NR2F1-AS1: variants seen among roughly 807,000 people sequenced by gnomAD.
The protein encoded by NR2F1-AS1 is NR2F1 antisense RNA 1.
intron 1 of NR2F1-AS1, among the ~76,000 whole-genome samples, chr5:93,578,235 G>C (rs1313732298): frequency 6.6e-6 from 1 of 152,168 alleles, no homozygotes; most frequent in Non-Finnish European, 1.5e-5. Context: ...TCTCTCACCA[G>C]ATCACAATTT....
chr5:93,579,455 G>A lies in NR2F1-AS1; in HGVS notation n.313+1012C>T, dbSNP rs1231195802. 6.6e-6 allele frequency among the ~76,000 whole-genome samples: 1 copy of A among 152,156 alleles called. No homozygotes were observed. Among genetic ancestry groups the A allele is most frequent in the Non-Finnish European group, 1.5e-5 (1 of 68,014 alleles). ...AGTTTGAAAGCTCTGTGGGGGCACG[G>A]AGAGCCCACAGTAAGGATGGGTGGG... On this transcript the variant is annotated intron_variant and non_coding_transcript_variant, in intron 1 of 5. Coordinates refer to ENST00000660523, the Ensembl canonical transcript of NR2F1-AS1. The surrounding 1 kb of genome is among the most constrained non-coding windows in gnomAD (Gnocchi z 5.1).
chr5:93,527,003 C>G (rs1464497285), intron 4 of NR2F1-AS1, among the ~76,000 whole-genome samples: 1 of 152,124 alleles, frequency 6.6e-6, no homozygotes, highest in East Asian at 1.9e-4. Context: ...CCAGGGCAAT[C>G]AGGCAAGAGA....
At chr5:93,521,125 T>A (rs1490931978) in intron 4 of NR2F1-AS1, among the ~76,000 whole-genome samples, 1 of 152,116 alleles carries the variant, frequency 6.6e-6, no homozygotes, top group Non-Finnish European at 1.5e-5. Context: ...GGGAAAAGAC[T>A]CGCTATTCAA....
chr5:93,509,553 C>T (rs1462085721), intron 4 of NR2F1-AS1, among the ~76,000 whole-genome samples: 1 of 151,944 alleles, frequency 6.6e-6, no homozygotes, highest in Admixed American at 6.6e-5. Flanking sequence ...TACATACCAA[C>T]TTCAGGAAAG....
At chr5:93,493,794 C>G (rs1433834920) in intron 4 of NR2F1-AS1, among the ~76,000 whole-genome samples, 1 of 151,828 alleles carries the variant, frequency 6.6e-6, no homozygotes, top group East Asian at 1.9e-4. Context: ...TGTATAACCA[C>G]AAACAATAAA....
intron 4 of NR2F1-AS1, among the ~76,000 whole-genome samples, chr5:93,444,023 C>T (rs1749634316): frequency 6.6e-6 from 1 of 152,148 alleles, no homozygotes; most frequent in Non-Finnish European, 1.5e-5. Context: ...CACCACCAGG[C>T]CTGCCCTAAA....
upstream of NR2F1-AS1, among the ~76,000 whole-genome samples, chr5:93,581,737 C>CCT (rs1332435581): frequency 4.4e-5 from 1 of 22,490 alleles, no homozygotes; most frequent in African/African-American, 2.8e-4. Flanking sequence ...TCTCTCTCCC[C>CCT]CTCTCCCTCT....
chr5:93,487,025 G>T (rs754595201), intron 4 of NR2F1-AS1, among the ~76,000 whole-genome samples: 1 of 152,084 alleles, frequency 6.6e-6, no homozygotes, highest in African/African-American at 2.4e-5. Flanking sequence ...ATGCTGAAAA[G>T]GCCTTTGATA....
chr5:93,410,448 C>A, intron 4 of NR2F1-AS1: 1 of 152,688 alleles, frequency 6.5e-6, no homozygotes, highest in Non-Finnish European at 1.5e-5. Flanking sequence ...AGCAGTGGGC[C>A]AGTAAGCATT....
At chr5:93,425,705 C>G (rs1197870471) in intron 4 of NR2F1-AS1, among the ~76,000 whole-genome samples, 1 of 152,150 alleles carries the variant, frequency 6.6e-6, no homozygotes, top group Non-Finnish European at 1.5e-5. Context: ...TCAAATATAG[C>G]ATTCCCTGAC....
intron 1 of NR2F1-AS1, among the ~76,000 whole-genome samples, chr5:93,567,588 A>C (rs1432486691): frequency 6.6e-6 from 1 of 152,210 alleles, no homozygotes; most frequent in African/African-American, 2.4e-5. Context: ...GAAACAAATT[A>C]ATCCTTTGCA....
chr5:93,566,405 T>C (rs1752618597), intron 1 of NR2F1-AS1, among the ~76,000 whole-genome samples: 1 of 152,052 alleles, frequency 6.6e-6, no homozygotes, highest in Non-Finnish European at 1.5e-5. Flanking sequence ...GCATAAAAAG[T>C]ATAACTTGAG....
chr5:93,417,477 C>G (rs1748992489), intron 4 of NR2F1-AS1, among the ~76,000 whole-genome samples: 1 of 152,186 alleles, frequency 6.6e-6, no homozygotes, highest in Admixed American at 6.5e-5. Context: ...CAATACATAA[C>G]AACCAATTCA....
At chr5:93,538,531 TACA>T (rs1450249452) in intron 4 of NR2F1-AS1, among the ~76,000 whole-genome samples, 1 of 152,148 alleles carries the variant, frequency 6.6e-6, no homozygotes, top group African/African-American at 2.4e-5. Flanking sequence ...CACACAAATG[TACA>T]ACAACAAACA....
At chr5:93,525,875 A>G (rs143896794) in intron 4 of NR2F1-AS1, among the ~76,000 whole-genome samples, 1 of 152,336 alleles carries the variant, frequency 6.6e-6, no homozygotes, top group Non-Finnish European at 1.5e-5. Flanking sequence ...AGGGAAATTT[A>G]TAGCAGTAAA....
chr5:93,539,420 G>A (rs1245647168), intron 4 of NR2F1-AS1, among the ~76,000 whole-genome samples: 1 of 151,820 alleles, frequency 6.6e-6, no homozygotes, highest in African/African-American at 2.4e-5. Context: ...AATACTAATC[G>A]TCCATTAAAA....
chr5:93,409,979 T>C (rs529095324), intron 4 of NR2F1-AS1: 4 of 152,230 alleles, frequency 2.6e-5, no homozygotes, highest in Admixed American at 6.5e-5. Context: ...TCAATTCAGA[T>C]GGACACTCCT....
intron 4 of NR2F1-AS1, among the ~76,000 whole-genome samples, chr5:93,431,808 CA>C (rs1325712331): frequency 6.6e-6 from 1 of 152,106 alleles, no homozygotes; most frequent in Non-Finnish European, 1.5e-5. Context: ...AAGTATCTCT[CA>C]AAAATAAAAT....
chr5:93,554,334 T>C (rs1264679302), intron 3 of NR2F1-AS1, among the ~76,000 whole-genome samples: 1 of 152,204 alleles, frequency 6.6e-6, no homozygotes, highest in Non-Finnish European at 1.5e-5. Flanking sequence ...TGACATTTCC[T>C]AGAATTCTGA....
Sources: gnomAD v4.1 joint callset for allele counts (sites outside exome capture counted in the v4.1 genomes callset) on GRCh38, gnomAD v4.1.1 for gene constraint, Gnocchi (gnomAD v3.1) non-coding constraint, MANE v1.5 for transcripts, NCBI Gene and HGNC (gene_info 2026-07-23, HGNC 2026-07-21) for gene names.